Variants in MYRIP observed in about 807,000 individuals in gnomAD.
MYRIP encodes myosin VIIA and Rab interacting protein, also known as rab effector MyRIP.
MYRIP carries 49 observed loss-of-function variants against 98.0 expected under a neutral mutation model. The ratio of observed to expected loss-of-function variants is 0.50; its 90% confidence interval spans 0.40 to 0.63. The LOEUF (loss-of-function observed/expected upper bound fraction) is 0.63. Among genes scored for constraint, MYRIP ranks in the 30% least tolerant of loss-of-function variants. The pLI, the probability that MYRIP is intolerant of heterozygous loss-of-function variation, is 0.00. For missense variants in MYRIP, 1,004 were observed against 1,058.2 expected, an observed-to-expected ratio of 0.95 and a Z score of 0.71; for synonymous variants, 404 against 409.5, an observed-to-expected ratio of 0.99 and a Z score of 0.16.
chr3:39,898,749 T>G (rs565493431), intron 1 of MYRIP, among the ~76,000 whole-genome samples: 1 of 152,278 alleles, frequency 6.6e-6, no homozygotes, highest in African/African-American at 2.4e-5. Context: ...TAAATGTAGT[T>G]TATATGTATG....
At chr3:40,075,710 G>T (rs986336001) in intron 3 of MYRIP, among the ~76,000 whole-genome samples, 4 of 152,138 alleles carry the variant, frequency 2.6e-5, no homozygotes, top group African/African-American at 7.2e-5. Context: ...ACATAGGCCA[G>T]TGTGTAGTAT....
intron 3 of MYRIP, among the ~76,000 whole-genome samples, chr3:40,139,527 C>A (rs1949850398): frequency 6.6e-6 from 1 of 152,070 alleles, no homozygotes; most frequent in Non-Finnish European, 1.5e-5. Flanking sequence ...TTTAAATATT[C>A]TTTTATTTAG....
chr3:40,244,771 T>G, intron 13 of MYRIP, 164 bp downstream of exon 13: 2 of 786,664 alleles, frequency 2.5e-6, no homozygotes. Flanking sequence ...AATTCTCCCT[T>G]TAAAAGTGTA....
intron 10 of MYRIP, among the ~76,000 whole-genome samples, chr3:40,202,167 G>T (rs1951584711): frequency 1.3e-5 from 2 of 152,126 alleles, no homozygotes; most frequent in African/African-American, 2.4e-5. Context: ...CAACAGGAAT[G>T]AGGAGAGCCA....
intron 2 of MYRIP, among the ~76,000 whole-genome samples, chr3:39,980,178 C>G (rs191388371): frequency 2.0e-5 from 3 of 152,052 alleles, no homozygotes; most frequent in Non-Finnish European, 4.4e-5. Flanking sequence ...GAGGAGTGTC[C>G]GAATCTGAGG....
chr3:39,902,791 G>C (rs1943775520), intron 2 of MYRIP, among the ~76,000 whole-genome samples: 1 of 152,208 alleles, frequency 6.6e-6, no homozygotes, highest in Middle Eastern at 3.2e-3. Flanking sequence ...ATGTGGAAGA[G>C]CAGCTTTAGG....
intron 2 of MYRIP, among the ~76,000 whole-genome samples, chr3:40,017,913 GT>G (rs1946904319): frequency 6.6e-6 from 1 of 152,054 alleles, no homozygotes; most frequent in African/African-American, 2.4e-5. Flanking sequence ...AATCAGCTTT[GT>G]CTTTTGTTAA....
chr3:39,976,532 A>G (rs1575429766), intron 2 of MYRIP, among the ~76,000 whole-genome samples: 1 of 152,356 alleles, frequency 6.6e-6, no homozygotes, highest in South Asian at 2.1e-4. Flanking sequence ...TGACCCAGCC[A>G]TCCCGTTACT....
At chr3:40,106,584 A>T (rs375689290) in intron 3 of MYRIP, among the ~76,000 whole-genome samples, 2 of 152,140 alleles carry the variant, frequency 1.3e-5, no homozygotes, top group South Asian at 2.1e-4. Flanking sequence ...TATCTTTTCA[A>T]TCAAGCTAAC....
chr3:39,817,971 T>A (rs1435959819), intron 1 of MYRIP, among the ~76,000 whole-genome samples: 3 of 152,214 alleles, frequency 2.0e-5, no homozygotes, highest in Admixed American at 6.5e-5. Flanking sequence ...TATTATTTTT[T>A]AAAAATAAAA....
At chr3:40,209,106 G>A (rs1251622824) in intron 10 of MYRIP, 1 of 152,230 alleles carries the variant, frequency 6.6e-6, no homozygotes, top group Non-Finnish European at 1.5e-5. Flanking sequence ...GTGCTGTGCT[G>A]GTTGGGTGTC....
chr3:39,876,151 C>G lies in MYRIP; in HGVS notation c.-30-24636C>G, dbSNP rs538279370. Among the ~76,000 whole-genome samples, 12 of 152,258 alleles carry G rather than the reference C, an allele frequency of 7.9e-5. 1 individual carries two copies. Among genetic ancestry groups the G allele is most frequent in the African/African-American group, 2.4e-4 (10 of 41,530 alleles). On this transcript the variant is annotated intron_variant, in intron 1 of 16. Coordinates refer to ENST00000302541, the MANE Select transcript of MYRIP (RefSeq NM_015460.4). ...GGTTTAAAGTCTGTTTTATCAGAGACTAGCATTGCAACCCCTGCCTTTTTT... is the reference window on the plus strand; with the variant it reads ...GGTTTAAAGTCTGTTTTATCAGAGAGTAGCATTGCAACCCCTGCCTTTTTT...
At chr3:39,828,229 T>C (rs907022980) in intron 1 of MYRIP, among the ~76,000 whole-genome samples, 7 of 152,118 alleles carry the variant, frequency 4.6e-5, no homozygotes, top group African/African-American at 1.7e-4. Context: ...TGTGACTATT[T>C]ATTTGCTTAG....
intron 3 of MYRIP, among the ~76,000 whole-genome samples, chr3:40,063,817 G>A (rs974003548): frequency 5.9e-5 from 9 of 152,134 alleles, no homozygotes; most frequent in African/African-American, 1.2e-4. Context: ...CATGCTTATG[G>A]AAGCTTTTGT....
chr3:39,986,816 T>C (rs932994652), intron 2 of MYRIP, among the ~76,000 whole-genome samples: 2 of 152,144 alleles, frequency 1.3e-5, no homozygotes, highest in Non-Finnish European at 2.9e-5. Flanking sequence ...GGACCAACTC[T>C]GCAGGACAAA....
At chr3:40,154,123 A>G (rs1187686086) in intron 4 of MYRIP, among the ~76,000 whole-genome samples, 1 of 148,302 alleles carries the variant, frequency 6.7e-6, no homozygotes, top group Admixed American at 7.0e-5. Flanking sequence ...CTGGCAATAG[A>G]GTGAGATTCC....
intron 1 of MYRIP, among the ~76,000 whole-genome samples, chr3:39,874,179 A>G (rs996025300): frequency 2.6e-5 from 4 of 152,168 alleles, no homozygotes; most frequent in African/African-American, 9.7e-5. Context: ...TGATTTTTGT[A>G]CATTGATTTT....
intron 3 of MYRIP, among the ~76,000 whole-genome samples, chr3:40,129,971 TACA>T (rs1211758728): frequency 9.8e-5 from 15 of 152,376 alleles, no homozygotes; most frequent in South Asian, 4.1e-4. Flanking sequence ...AAACTGCTTA[TACA>T]ACAAGTCCCT....
At chr3:40,013,253 T>G (rs1946799248) in intron 2 of MYRIP, among the ~76,000 whole-genome samples, 1 of 152,186 alleles carries the variant, frequency 6.6e-6, no homozygotes. Context: ...TACTCTCGTG[T>G]CAATCCTGGA....
Sources: gnomAD v4.1 joint callset for allele counts (sites outside exome capture counted in the v4.1 genomes callset) on GRCh38, gnomAD v4.1.1 for gene constraint, MANE v1.5 for transcripts, NCBI Gene and HGNC (gene_info 2026-07-23, HGNC 2026-07-21) for gene names.